Variants in DNAH11 observed in about 807,000 individuals in gnomAD.
The protein encoded by DNAH11 is axonemal beta dynein heavy chain 11.
A neutral mutation model predicts 526.0 loss-of-function variants in DNAH11; 442 were observed. The observed-to-expected ratio is 0.84, with a 90% confidence interval of 0.78 to 0.91. The LOEUF (loss-of-function observed/expected upper bound fraction) is 0.91, where lower values mean the gene tolerates loss of function less well. Ranked by LOEUF, DNAH11 falls within the 40% of genes least tolerant of loss-of-function variation. The pLI is 0.00. For synonymous variants in DNAH11, 2,461 were observed against 1,935.9 expected, an observed-to-expected ratio of 1.27 and a Z score of -7.12; for missense variants, 6,989 against 5,448.7, an observed-to-expected ratio of 1.28 and a Z score of -8.90.
At position 21,687,223 on chromosome 7, in the gene DNAH11, G is replaced by C; in HGVS notation, c.5746G>C (p.Val1916Leu). 1.2e-6 allele frequency: 2 copies of C among 1,602,034 alleles called. No individual in the cohort carries two copies. The highest frequency in any genetic ancestry group is 1.7e-6 in the Non-Finnish European group (2 of 1,174,978). The change falls in exon 33 of 82, where the codon GTA becomes CTA. Residue 1916 changes from valine (V) to leucine (L), a missense_variant. Val to Leu is a conservative substitution (Grantham distance 32). Transcript: ENST00000409508. ...LGRALGMMVY[V>L]FNCSEQMDYK... ...ACGTGCCCTTGGCATGATGGTCTAT[G>C]TATTCAACTGTTCAGAGCAAATGGA...
intron 68 of DNAH11, among the ~76,000 whole-genome samples, chr7:21,856,072 G>C (rs1008974598): frequency 1.3e-5 from 2 of 152,104 alleles, no homozygotes; most frequent in African/African-American, 4.8e-5. Context: ...GGTAGTGAGT[G>C]AATTTCTGTG....
intron 25 of DNAH11, among the ~76,000 whole-genome samples, chr7:21,625,366 T>A (rs989685860): frequency 1.3e-5 from 2 of 152,172 alleles, no homozygotes; most frequent in Non-Finnish European, 2.9e-5. Context: ...GTAATAACTC[T>A]TCTTTCATTT....
At chr7:21,863,693 C>T (rs1481055335) in intron 69 of DNAH11, among the ~76,000 whole-genome samples, 2 of 152,136 alleles carry the variant, frequency 1.3e-5, no homozygotes, top group Non-Finnish European at 2.9e-5. Context: ...TTAAAACTTC[C>T]CCTTGGAAGC....
chr7:21,819,154 C>G (rs943530491), intron 65 of DNAH11, among the ~76,000 whole-genome samples: 1 of 151,982 alleles, frequency 6.6e-6, no homozygotes, highest in Non-Finnish European at 1.5e-5. Flanking sequence ...ACTGAGTTTC[C>G]TTCCCTCTCT....
chr7:21,625,756 C>T (rs1399882865), intron 25 of DNAH11, among the ~76,000 whole-genome samples: 1 of 151,902 alleles, frequency 6.6e-6, no homozygotes, highest in Non-Finnish European at 1.5e-5. Flanking sequence ...TTCTTTGACC[C>T]ATTGGTTGTT....
chr7:21,767,686 AAT>A (rs2127975150), intron 55 of DNAH11, among the ~76,000 whole-genome samples: 1 of 152,266 alleles, frequency 6.6e-6, no homozygotes, highest in South Asian at 2.1e-4. Flanking sequence ...CCACCTTCCT[AAT>A]TTGTTGCGCA....
chr7:21,559,481 T>C (rs1047426704), intron 3 of DNAH11, 122 bp from the exon 4 acceptor site: 52 of 809,774 alleles, frequency 6.4e-5, no homozygotes, highest in Non-Finnish European at 9.1e-5. Flanking sequence ...ATAAAAATAA[T>C]GGATTTTCAA....
intron 72 of DNAH11, 88 bp downstream of exon 72, chr7:21,868,095 T>A: frequency 9.4e-7 from 1 of 1,065,110 alleles, no homozygotes; most frequent in Non-Finnish European, 1.2e-6. Context: ...TTCACAGTGA[T>A]CTTAGTTTCT....
At position 21,704,222 on chromosome 7, in the gene DNAH11, G is replaced by A. The variant is rs572016172; in HGVS notation, c.6274-212G>A. Among the ~76,000 whole-genome samples, 19 of 152,188 alleles carry A rather than the reference G, an allele frequency of 1.2e-4. No individual in the cohort carries two copies. In the South Asian group the frequency reaches 3.7e-3, roughly 30 times the overall value. ...GGCCTCTTTGCTGTTCTTATTCTAAGGATTGTTCATTGTATCAGTTCAGCC... is the reference window on the plus strand; with the variant it reads ...GGCCTCTTTGCTGTTCTTATTCTAAAGATTGTTCATTGTATCAGTTCAGCC... On this transcript the variant is annotated intron_variant, in intron 37 of 81. Coordinates refer to ENST00000409508, the MANE Select transcript of DNAH11 (RefSeq NM_001277115.2).
intron 66 of DNAH11, among the ~76,000 whole-genome samples, chr7:21,843,730 C>T (rs919630163): frequency 6.6e-6 from 1 of 152,098 alleles, no homozygotes; most frequent in African/African-American, 2.4e-5. Context: ...CCTCCAGCCT[C>T]AGCCTCCCAA....
chr7:21,861,152 G>A (rs1269163301), intron 68 of DNAH11, among the ~76,000 whole-genome samples: 1 of 152,150 alleles, frequency 6.6e-6, no homozygotes, highest in Non-Finnish European at 1.5e-5. Context: ...CAGGGATGCG[G>A]GGAAGGGAGA....
At chr7:21,756,238 G>C (rs1457934959) in intron 54 of DNAH11, among the ~76,000 whole-genome samples, 1 of 151,904 alleles carries the variant, frequency 6.6e-6, no homozygotes, top group African/African-American at 2.4e-5. Context: ...CTTTCCTACT[G>C]TTCCACCCCT....
intron 25 of DNAH11, 93 bp from the exon 26 acceptor site, chr7:21,635,778 C>T (rs1786833813): frequency 9.8e-7 from 1 of 1,022,314 alleles, no homozygotes. Flanking sequence ...TCTAAGAATC[C>T]AGCAATAAAC....
intron 42 of DNAH11, among the ~76,000 whole-genome samples, chr7:21,712,504 G>A (rs573110206): frequency 6.6e-6 from 1 of 152,112 alleles, no homozygotes; most frequent in South Asian, 2.1e-4. Flanking sequence ...AGTGTACAAG[G>A]CTTCTAATCT....
rs886062182 is a variant in DNAH11, at chr7:21,818,221, T to C, written c.10573T>C (p.Leu3525=). ...CAAATCCCACTGAATTTTAAGGTTT[T>C]TGAATGCCATTGAAACTGCTTTGGC... ...KVTHLGQKGF[L]NAIETALAFG... is the part of the protein sequence containing the mutation. Residue 3525 remains leucine, a synonymous_variant, in exon 65 of 82, where the codon TTG becomes CTG. Coordinates refer to ENST00000409508, the MANE Select transcript of DNAH11 (RefSeq NM_001277115.2). 8 of 1,610,072 alleles carry C rather than the reference T, an allele frequency of 5.0e-6. No individual in the cohort carries two copies. Among genetic ancestry groups the C allele is most frequent in the Middle Eastern group, 1.7e-4 (1 of 6,048 alleles).
At chr7:21,777,080 T>C (rs192386302) in intron 56 of DNAH11, among the ~76,000 whole-genome samples, 1 of 152,196 alleles carries the variant, frequency 6.6e-6, no homozygotes, top group East Asian at 1.9e-4. Flanking sequence ...ACACCTACGT[T>C]ACCCCCCACT....
intron 57 of DNAH11, among the ~76,000 whole-genome samples, chr7:21,783,823 T>G (rs1219454697): frequency 1.3e-5 from 2 of 152,214 alleles, no homozygotes; most frequent in African/African-American, 4.8e-5. Flanking sequence ...AAGGCAGATG[T>G]GGGCTCTTGC....
At chr7:21,733,081 T>TC (rs1007957630) in intron 45 of DNAH11, among the ~76,000 whole-genome samples, 1 of 152,106 alleles carries the variant, frequency 6.6e-6, no homozygotes, top group Non-Finnish European at 1.5e-5. Context: ...GTGGGGGCTC[T>TC]CCCAGCAAAG....
At chr7:21,647,149 A>C (rs1007088323) in intron 28 of DNAH11, among the ~76,000 whole-genome samples, 2 of 152,210 alleles carry the variant, frequency 1.3e-5, no homozygotes, top group Admixed American at 6.5e-5. Flanking sequence ...AACAAGAAGA[A>C]AGATAGAAAA....
Sources: allele counts gnomAD v4.1 joint callset (sites outside exome capture counted in the v4.1 genomes callset), GRCh38; gene constraint gnomAD v4.1.1; transcripts MANE v1.5; gene names NCBI Gene and HGNC (gene_info 2026-07-23, HGNC 2026-07-21).